Variants in PLEKHA8 observed in about 807,000 individuals in gnomAD.
PLEKHA8 encodes the protein pleckstrin homology domain containing A8.
In PLEKHA8, 36 loss-of-function variants were observed where a neutral mutation model predicts 68.2. The ratio of observed to expected loss-of-function variants is 0.53; its 90% CI spans 0.40 to 0.70. The LOEUF (loss-of-function observed/expected upper bound fraction) is 0.70, where lower values mean the gene tolerates loss of function less well. Among genes scored for constraint, PLEKHA8 ranks in the 30% least tolerant of loss-of-function variants. The pLI, the probability that PLEKHA8 is intolerant of heterozygous loss-of-function variation, is 0.00. For missense variants in PLEKHA8, 505 were observed against 615.4 expected, an observed-to-expected ratio of 0.82 and a Z score of 1.90; for synonymous variants, 211 against 216.1, an observed-to-expected ratio of 0.98 and a Z score of 0.20.
At chr7:30,099,172 A>G (rs1376534239) in intron 13 of PLEKHA8, among the ~76,000 whole-genome samples, 3 of 152,236 alleles carry the variant, frequency 2.0e-5, no homozygotes, top group Non-Finnish European at 4.4e-5. Context: ...TCTCTAATAT[A>G]GCCCCTTATC....
intron 1 of PLEKHA8, among the ~76,000 whole-genome samples, chr7:30,042,600 G>A (rs753156654): frequency 6.6e-6 from 1 of 152,176 alleles, no homozygotes; most frequent in Non-Finnish European, 1.5e-5. Context: ...GAGCTTTTGT[G>A]CCTCAAGGGG....
chr7:30,115,546 G>A (rs112444993), intron 13 of PLEKHA8, among the ~76,000 whole-genome samples: 2 of 49,946 alleles, frequency 4.0e-5, no homozygotes, highest in Non-Finnish European at 1.2e-4. Flanking sequence ...ATGTACACAT[G>A]CACGTATACA....
At chr7:30,090,786 C>T (rs776236400), downstream of PLEKHA8, 26 of 335,924 alleles carry the variant, frequency 7.7e-5, no homozygotes, top group Non-Finnish European at 8.0e-5. Context: ...GTCTTAAATA[C>T]GAGCCAATTA....
rs1191756477 is a variant in PLEKHA8 at position 30,084,648 on chromosome 7, G to A, written c.*5861G>A. On this transcript the variant is annotated 3_prime_UTR_variant, in exon 14 of 14. Transcript: ENST00000449726. ...TAGTTATAATAAACTTATTTTTAAAGTATTAAGTTCTTAAAGGTTTTTGTG... is the reference window on the plus strand; with the variant it reads ...TAGTTATAATAAACTTATTTTTAAAATATTAAGTTCTTAAAGGTTTTTGTG... 1 of 914,374 alleles carries A rather than the reference G, an allele frequency of 1.1e-6. No homozygotes were observed. The highest frequency in any genetic ancestry group is 1.2e-4 in the East Asian group (1 of 8,474). 56.6% of individuals were successfully genotyped at this position (914,374 alleles called of 1,614,324 possible). A position where few individuals can be genotyped will look rare whatever the true frequency, so the allele number is the denominator to read the frequency against.
intron 13 of PLEKHA8, among the ~76,000 whole-genome samples, chr7:30,108,067 C>CAAAAAAAA (rs796801365): frequency 1.7e-4 from 9 of 52,842 alleles, no homozygotes; most frequent in African/African-American, 6.6e-4. Flanking sequence ...AACTCCATCT[C>CAAAAAAAA]AAAAAAAAAA....
intron 1 of PLEKHA8, among the ~76,000 whole-genome samples, chr7:30,034,758 C>A (rs1379920801): frequency 6.6e-6 from 1 of 152,132 alleles, no homozygotes; most frequent in Non-Finnish European, 1.5e-5. Flanking sequence ...GAAATTCAAA[C>A]CCATGGTATG....
intron 13 of PLEKHA8, among the ~76,000 whole-genome samples, chr7:30,108,067 C>CAAAAAAAAAAA (rs796801365): frequency 2.3e-4 from 12 of 52,826 alleles, no homozygotes; most frequent in African/African-American, 8.1e-4. Flanking sequence ...AACTCCATCT[C>CAAAAAAAAAAA]AAAAAAAAAA....
chr7:30,056,660 C>T (rs554318711), intron 9 of PLEKHA8, among the ~76,000 whole-genome samples: 2 of 131,622 alleles, frequency 1.5e-5, no homozygotes, highest in African/African-American at 2.9e-5. Context: ...ACCTGGGAGA[C>T]GGAGGTTGCA....
intron 13 of PLEKHA8, among the ~76,000 whole-genome samples, chr7:30,119,593 C>T (rs1445167535): frequency 6.6e-6 from 1 of 152,216 alleles, no homozygotes; most frequent in Non-Finnish European, 1.5e-5. Flanking sequence ...CTTACCATCA[C>T]AGTGTTTTGC....
At position 30,083,285 on chromosome 7, in the gene PLEKHA8, T is replaced by C. The variant is rs1023646288; in HGVS notation, c.*4498T>C. ...CATTCTACTTCTGTATGTCCCTTTG[T>C]AATCCGCAGTTGCTTACTCAGGGGT... On this transcript the variant is annotated 3_prime_UTR_variant, in exon 14 of 14. Coordinates refer to ENST00000449726, the MANE Select transcript of PLEKHA8 (RefSeq NM_001197026.2). 3 of 984,308 alleles carry C rather than the reference T, an allele frequency of 3.0e-6. No homozygotes were observed. Among genetic ancestry groups the C allele is most frequent in the Non-Finnish European group, 3.6e-6 (3 of 828,984 alleles). The allele number at this position is 984,308 out of a possible 1,614,324, so 61.0% of individuals were successfully genotyped here. A position where few individuals can be genotyped will look rare whatever the true frequency, so the allele number is the denominator to read the frequency against.
At chr7:30,078,290 A>T (rs943583954) in intron 13 of PLEKHA8, among the ~76,000 whole-genome samples, 33 of 152,190 alleles carry the variant, frequency 2.2e-4, no homozygotes, top group Non-Finnish European at 4.9e-4. Flanking sequence ...CACACTGTGG[A>T]TCAGAAGGGA....
intron 1 of PLEKHA8, among the ~76,000 whole-genome samples, chr7:30,041,973 G>A (rs977002163): frequency 2.6e-5 from 4 of 152,118 alleles, no homozygotes; most frequent in Non-Finnish European, 5.9e-5. Context: ...ATTCTGGTTG[G>A]ATCTGTAAGG....
intron 13 of PLEKHA8, among the ~76,000 whole-genome samples, chr7:30,121,201 C>T (rs562241894): frequency 1.1e-4 from 16 of 152,248 alleles, no homozygotes; most frequent in South Asian, 8.3e-4. Flanking sequence ...CGCATGCTTC[C>T]GTTTTCTTCC....
At chr7:30,075,716 C>T (rs1794571357) in intron 13 of PLEKHA8, among the ~76,000 whole-genome samples, 2 of 152,138 alleles carry the variant, frequency 1.3e-5, no homozygotes, top group Non-Finnish European at 2.9e-5. Flanking sequence ...TGCCCCAAAA[C>T]AAGTGTGGGG....
At position 30,081,264 on chromosome 7, in the gene PLEKHA8, A is replaced by T; in HGVS notation, c.*2477A>T. 1 of 985,344 alleles carries T rather than the reference A, an allele frequency of 1.0e-6. No homozygotes were observed. Among genetic ancestry groups the T allele is most frequent in the Non-Finnish European group, 1.2e-6 (1 of 829,874 alleles). 61.0% of individuals were successfully genotyped at this position (985,344 alleles called of 1,614,324 possible). A position where few individuals can be genotyped will look rare whatever the true frequency, so the allele number is the denominator to read the frequency against. On this transcript the variant is annotated 3_prime_UTR_variant, in exon 14 of 14. Coordinates refer to ENST00000449726, the MANE Select transcript of PLEKHA8 (RefSeq NM_001197026.2). The stretch of plus-strand genomic sequence containing the variant: ...AAGAGGGTAATATTTTTTAATAGGT[A>T]TTTTCCCCACTGGAGCATATTACGT...
intron 13 of PLEKHA8, among the ~76,000 whole-genome samples, chr7:30,116,162 A>G (rs754210154): frequency 4.4e-4 from 67 of 151,778 alleles, no homozygotes; most frequent in Non-Finnish European, 8.6e-4. Context: ...ATACACGTAT[A>G]CATGTGTATA....
At chr7:30,049,585 T>G (rs934374535) in intron 5 of PLEKHA8, 3 of 608,884 alleles carry the variant, frequency 4.9e-6, no homozygotes, top group Non-Finnish European at 8.1e-6. Flanking sequence ...TAAACATGTT[T>G]CTAATGTAGC....
chr7:30,083,342 A>T lies in PLEKHA8; in HGVS notation c.*4555A>T. ...GTCATTTCATAAAAAATAATTCACT[A>T]GCTGTCTAATGGTATTTTAAGACTG... On this transcript the variant is annotated 3_prime_UTR_variant, in exon 14 of 14. Transcript: ENST00000449726. 1 of 985,114 alleles carries T rather than the reference A, an allele frequency of 1.0e-6. No individual in the cohort carries two copies. The highest frequency in any genetic ancestry group is 1.2e-6 in the Non-Finnish European group (1 of 829,632). The allele number at this position is 985,114 out of a possible 1,614,324, so 61.0% of individuals were successfully genotyped here.
At chr7:30,049,439 A>T in intron 5 of PLEKHA8, 57 bp downstream of exon 5, 1 of 1,583,808 alleles carries the variant, frequency 6.3e-7, no homozygotes, top group Non-Finnish European at 8.6e-7. Context: ...TTCAAAGTTT[A>T]TAGTGAGTTA....
Sources: gnomAD v4.1 joint callset for allele counts (sites outside exome capture counted in the v4.1 genomes callset) on GRCh38, gnomAD v4.1.1 for gene constraint, MANE v1.5 for transcripts, NCBI Gene and HGNC (gene_info 2026-07-23, HGNC 2026-07-21) for gene names.